CCDC146: variants seen among roughly 807,000 people sequenced by gnomAD.
CCDC146 encodes the protein coiled-coil domain containing 146.
CCDC146 carries 92 observed loss-of-function variants against 119.3 expected under a neutral mutation model. The observed-to-expected ratio is 0.77, with a 90% CI of 0.65 to 0.92. The LOEUF (loss-of-function observed/expected upper bound fraction) is 0.92. CCDC146 is among the 40% of genes least tolerant of loss of function. CCDC146 has a pLI of 0.00. For synonymous variants in CCDC146, 372 were observed against 371.8 expected (o/e 1.00, Z -0.01); for missense variants, 1,000 against 1,103.0 (o/e 0.91, Z 1.32).
At chr7:77,163,849 TTC>T (rs948215722) in intron 1 of CCDC146, among the ~76,000 whole-genome samples, 4 of 110,064 alleles carry the variant, frequency 3.6e-5, no homozygotes, top group African/African-American at 1.7e-4. Context: ...CTTTCTTTCT[TTC>T]TTTTTTTTCT....
chr7:77,199,553 C>T (rs1379769681), intron 2 of CCDC146: 2 of 1,614,138 alleles, frequency 1.2e-6, no homozygotes, highest in South Asian at 2.2e-5. Context: ...TTTTGGACTT[C>T]TTTGAACACC....
chr7:77,125,854 A>G (rs1790684126), intron 1 of CCDC146, among the ~76,000 whole-genome samples: 1 of 152,164 alleles, frequency 6.6e-6, no homozygotes, highest in Admixed American at 6.5e-5. Context: ...ATAACTATCA[A>G]CATTGAGAAG....
intron 1 of CCDC146, among the ~76,000 whole-genome samples, chr7:77,146,525 C>G (rs1429188676): frequency 1.3e-5 from 2 of 152,134 alleles, no homozygotes; most frequent in African/African-American, 4.8e-5. Flanking sequence ...TACAATTTGG[C>G]ATGTTTTTGC....
intron 1 of CCDC146, among the ~76,000 whole-genome samples, chr7:77,132,303 A>G (rs1265966541): frequency 6.6e-6 from 1 of 152,162 alleles, no homozygotes; most frequent in Non-Finnish European, 1.5e-5. Context: ...CCTCATGAAC[A>G]CAAAAGCAAA....
chr7:77,294,699 G>A lies in CCDC146; in HGVS notation c.2701G>A (p.Gly901Ser), dbSNP rs201786512. Residue 901 changes from glycine (G) to serine (S), a missense_variant, in exon 19 of 19, where the codon GGT becomes AGT. By Grantham distance (56) the Gly-to-Ser change is moderately conservative. Transcript: ENST00000285871. ...AGCAGATAATCGCCAGCTGCCCAATGGTGTTTACACAACTGCAGAGCAGCG... is the reference window on the plus strand; with the variant it reads ...AGCAGATAATCGCCAGCTGCCCAATAGTGTTTACACAACTGCAGAGCAGCG... ...LEADNRQLPN[G>S]VYTTAEQRPN... 178 of 1,614,036 alleles carry A rather than the reference G, an allele frequency of 1.1e-4. No individual in the cohort carries two copies. Among genetic ancestry groups the A allele is most frequent in the Admixed American group, 1.5e-4 (9 of 60,008 alleles).
intron 2 of CCDC146, chr7:77,193,705 G>A (rs902877843): frequency 1.3e-5 from 2 of 151,788 alleles, no homozygotes; most frequent in African/African-American, 4.8e-5. Context: ...TTTCCCCTCA[G>A]TCATAGGTAA....
At chr7:77,153,339 AGATAT>A (rs1387946427) in intron 1 of CCDC146, among the ~76,000 whole-genome samples, 1 of 152,222 alleles carries the variant, frequency 6.6e-6, no homozygotes, top group East Asian at 1.9e-4. Flanking sequence ...TAATTAGGTA[AGATAT>A]ATACACTAGT....
At chr7:77,198,332 A>G in intron 2 of CCDC146, 1 of 985,272 alleles carries the variant, frequency 1.0e-6, no homozygotes, top group Non-Finnish European at 1.2e-6. Context: ...GTAGAGGTCC[A>G]AATGCGGAGA....
At chr7:77,274,364 T>A in intron 10 of CCDC146, 118 bp from the exon 11 acceptor site, 1 of 706,664 alleles carries the variant, frequency 1.4e-6, no homozygotes, top group East Asian at 2.8e-5. Flanking sequence ...CCACCACACC[T>A]GGCCTGTTTA....
chr7:77,138,414 T>C (rs2117410999), intron 1 of CCDC146, among the ~76,000 whole-genome samples: 1 of 151,474 alleles, frequency 6.6e-6, no homozygotes, highest in African/African-American at 2.4e-5. Flanking sequence ...AAATGTAAAA[T>C]GCAAAACTAT....
At chr7:77,239,757 T>G (rs2150486723) in intron 3 of CCDC146, among the ~76,000 whole-genome samples, 1 of 152,316 alleles carries the variant, frequency 6.6e-6, no homozygotes, top group African/African-American at 2.4e-5. Context: ...ACTGGTAAGG[T>G]TGGAGCCGAT....
intron 1 of CCDC146, among the ~76,000 whole-genome samples, chr7:77,162,397 G>A (rs982505518): frequency 6.6e-6 from 1 of 152,166 alleles, no homozygotes; most frequent in Admixed American, 6.5e-5. Context: ...CTGTATTGAA[G>A]AATCTATGTT....
At chr7:77,289,958 C>T (rs1584151339) in intron 17 of CCDC146, among the ~76,000 whole-genome samples, 3 of 152,172 alleles carry the variant, frequency 2.0e-5, no homozygotes, top group East Asian at 1.9e-4. Context: ...TTTATTGCCA[C>T]ACTATTCACA....
chr7:77,135,493 G>A (rs558830081), intron 1 of CCDC146, among the ~76,000 whole-genome samples: 120 of 152,054 alleles, frequency 7.9e-4, no homozygotes, highest in Non-Finnish European at 1.4e-3. Context: ...GAGAGAGAGC[G>A]AAAGAAAGAG....
chr7:77,153,934 A>G (rs1791143548), intron 1 of CCDC146, among the ~76,000 whole-genome samples: 1 of 152,034 alleles, frequency 6.6e-6, no homozygotes, highest in African/African-American at 2.4e-5. Flanking sequence ...ATGGATAAAC[A>G]AATTGTGGTA....
chr7:77,273,826 A>G, intron 10 of CCDC146, 37 bp downstream of exon 10: 1 of 1,361,348 alleles, frequency 7.3e-7, no homozygotes, highest in Non-Finnish European at 1.0e-6. Context: ...CTATCTAAGA[A>G]GCGTTCATAC....
Position 77,269,854 on chromosome 7 carries a change from C to T in CCDC146, c.1174-3840C>T, listed in dbSNP as rs976324254. 9.2e-5 allele frequency among the ~76,000 whole-genome samples: 14 copies of T among 152,164 alleles called. 1 individual carries two copies. Among genetic ancestry groups the T allele is most frequent in the Non-Finnish European group, 1.5e-5 (1 of 68,032 alleles). ...TTGACCCTGTGATTTATAATTAGCC[C>T]AGCCACTGCCCACAGCTGGCAGTAC... is the stretch of plus-strand genomic sequence containing the variant. On this transcript the variant is annotated intron_variant, in intron 9 of 18. Coordinates refer to ENST00000285871, the MANE Select transcript of CCDC146 (RefSeq NM_020879.3).
chr7:77,249,879 T>C (rs1255245926), intron 4 of CCDC146, among the ~76,000 whole-genome samples: 3 of 152,232 alleles, frequency 2.0e-5, no homozygotes, highest in African/African-American at 4.8e-5. Context: ...TGTTCTTCAT[T>C]CCTGTTTTTG....
At chr7:77,127,963 A>C (rs930849924) in intron 1 of CCDC146, among the ~76,000 whole-genome samples, 1 of 152,066 alleles carries the variant, frequency 6.6e-6, no homozygotes, top group Non-Finnish European at 1.5e-5. Flanking sequence ...TTTCATCCCA[A>C]TGACTATATT....
Sources: allele counts gnomAD v4.1 joint callset (sites outside exome capture counted in the v4.1 genomes callset), GRCh38; gene constraint gnomAD v4.1.1; transcripts MANE v1.5; gene names NCBI Gene and HGNC (gene_info 2026-07-23, HGNC 2026-07-21).